Variants in CYRIB observed in about 807,000 individuals in gnomAD.
CYRIB encodes CYFIP-related Rac1 interactor B.
Under a neutral mutation model 44.2 loss-of-function variants are expected in CYRIB, and 8 were observed. The observed-to-expected ratio is 0.18, with a 90% confidence interval of 0.11 to 0.33. The LOEUF (loss-of-function observed/expected upper bound fraction) is 0.33. Among genes scored for constraint, CYRIB ranks in the 10% least tolerant of loss-of-function variants. The pLI, the probability that CYRIB is intolerant of heterozygous loss-of-function variation, is 1.00. For synonymous variants in CYRIB, 131 were observed against 127.2 expected, an observed-to-expected ratio of 1.03 and a Z score of -0.20; for missense variants, 185 against 382.8, an observed-to-expected ratio of 0.48 and a Z score of 4.31.
intron 1 of CYRIB, among the ~76,000 whole-genome samples, chr8:130,014,638 T>G (rs1160506495): frequency 6.6e-6 from 1 of 152,160 alleles, no homozygotes; most frequent in Non-Finnish European, 1.5e-5. Context: ...ACAGCAAAAT[T>G]ACTTGAAAAT....
intron 2 of CYRIB, among the ~76,000 whole-genome samples, chr8:129,889,130 A>G (rs2064004111): frequency 6.6e-6 from 1 of 152,122 alleles, no homozygotes; most frequent in South Asian, 2.1e-4. Context: ...CTTAAGAATT[A>G]TACTACATCC....
rs370834921 is a variant in CYRIB, at chr8:130,012,550, C to T, written c.-296+3820G>A. ...TGAGCACCTCTAGGTGCCATGCTCT[C>T]TGCTGGGCACTTTCCATACAACCTC... On this transcript the variant is annotated intron_variant, in intron 1 of 14. Transcript: ENST00000401979. 8.5e-5 allele frequency among the ~76,000 whole-genome samples: 13 copies of T among 152,300 alleles called. 1 individual carries two copies. The highest frequency in any genetic ancestry group is 5.9e-4 in the Admixed American group (9 of 15,302).
chr8:129,874,882 C>T (rs1222328261), intron 3 of CYRIB, among the ~76,000 whole-genome samples: 2 of 152,000 alleles, frequency 1.3e-5, no homozygotes, highest in Non-Finnish European at 2.9e-5. Flanking sequence ...ACAAGTAACA[C>T]AAAGGACACA....
intron 1 of CYRIB, among the ~76,000 whole-genome samples, chr8:129,973,758 C>A (rs933828642): frequency 3.3e-5 from 5 of 152,124 alleles, no homozygotes; most frequent in Admixed American, 6.5e-5. Flanking sequence ...CCTTGGAGTT[C>A]AATTCCAGCC....
In CYRIB at chr8:129,925,395, A is replaced by T. The variant is rs532096269; in HGVS notation, c.-50+14213T>A. The stretch of plus-strand genomic sequence containing the variant: ...TGACAGAGCGAGACTCCGTCTTAAA[A>T]AATAATAATAATAATGATGACAATA... On this transcript the variant is annotated intron_variant, in intron 1 of 11. Coordinates refer to ENST00000519824, the Ensembl canonical transcript of CYRIB. Among the ~76,000 whole-genome samples, 6 of 151,486 alleles carry T rather than the reference A, an allele frequency of 4.0e-5. No individual in the cohort carries two copies. The East Asian group carries it at 1.2e-3, about 29-fold the overall frequency.
chr8:129,910,770 T>C (rs1283324439), intron 1 of CYRIB, among the ~76,000 whole-genome samples: 2 of 152,208 alleles, frequency 1.3e-5, no homozygotes, highest in African/African-American at 4.8e-5. Flanking sequence ...CACTCCAACA[T>C]GGGCAACAGA....
chr8:129,989,074 C>G (rs2096557090), intron 1 of CYRIB, among the ~76,000 whole-genome samples: 1 of 152,152 alleles, frequency 6.6e-6, no homozygotes, highest in East Asian at 1.9e-4. Flanking sequence ...CTTTTCCCCC[C>G]AACATTTATT....
At chr8:129,942,846 C>G (rs914684323), upstream of CYRIB, among the ~76,000 whole-genome samples, 1 of 152,130 alleles carries the variant, frequency 6.6e-6, no homozygotes, top group Non-Finnish European at 1.5e-5. Flanking sequence ...ATGAGGCAAC[C>G]GAAACTCCGT....
At chr8:129,880,251 T>C (rs1485528596) in intron 2 of CYRIB, 8 of 394,422 alleles carry the variant, frequency 2.0e-5, no homozygotes, top group Non-Finnish European at 2.8e-5. Context: ...GAAAAAATCA[T>C]GCAACCTTTG....
chr8:129,859,859 C>G (rs116197535), intron 5 of CYRIB, among the ~76,000 whole-genome samples: 2,637 of 152,306 alleles, frequency 0.017, 89 homozygotes, highest in African/African-American at 0.06. Context: ...TATACTGGAA[C>G]AACTCGTGTC....
intron 4 of CYRIB, among the ~76,000 whole-genome samples, chr8:129,868,958 G>A (rs1225061441): frequency 6.7e-6 from 1 of 148,864 alleles, no homozygotes; most frequent in Non-Finnish European, 1.5e-5. Flanking sequence ...AGCACTTTGG[G>A]AGGCTGAGGC....
chr8:129,945,765 G>T (rs2094100782), intron 2 of CYRIB, among the ~76,000 whole-genome samples: 1 of 152,126 alleles, frequency 6.6e-6, no homozygotes, highest in African/African-American at 2.4e-5. Flanking sequence ...TAGAGACAGG[G>T]TTTCACCATG....
chr8:129,859,107 G>T (rs537011139), intron 5 of CYRIB, among the ~76,000 whole-genome samples: 2 of 152,302 alleles, frequency 1.3e-5, no homozygotes, highest in African/African-American at 4.8e-5. Context: ...AGACGAAGGG[G>T]CAGGATAAGG....
intron 2 of CYRIB, among the ~76,000 whole-genome samples, chr8:129,966,510 C>T (rs1003096585): frequency 1.3e-5 from 2 of 152,138 alleles, no homozygotes; most frequent in African/African-American, 4.8e-5. Flanking sequence ...CCTGTGATAT[C>T]ATTAATGACA....
intron 5 of CYRIB, among the ~76,000 whole-genome samples, chr8:129,857,152 C>T (rs2046611587): frequency 1.3e-5 from 2 of 152,078 alleles, no homozygotes; most frequent in African/African-American, 4.8e-5. Context: ...CTACTCTGTG[C>T]CAAGCACTGG....
intron 1 of CYRIB, among the ~76,000 whole-genome samples, chr8:130,008,078 G>A (rs1307253357): frequency 3.3e-5 from 5 of 151,260 alleles, no homozygotes; most frequent in South Asian, 2.1e-4. Context: ...GTATGGTTGC[G>A]GGCGCCTGTA....
intron 10 of CYRIB, 94 bp from the exon 13 acceptor site, chr8:129,846,968 G>T: frequency 1.5e-6 from 1 of 684,350 alleles, no homozygotes; most frequent in South Asian, 2.0e-5. Flanking sequence ...CCATAACTAT[G>T]GAACTCAAGA....
intron 1 of CYRIB, among the ~76,000 whole-genome samples, chr8:129,987,523 G>A (rs1176348852): frequency 6.7e-6 from 1 of 149,646 alleles, no homozygotes; most frequent in Non-Finnish European, 1.5e-5. Flanking sequence ...TCTCTCGCCT[G>A]CCACCTCCCA....
At position 129,862,352 on chromosome 8, in the gene CYRIB, T is replaced by C. The variant is rs776099571; in HGVS notation, c.196-18A>G. On this transcript the variant is annotated intron_variant, in intron 4 of 11. Coordinates refer to ENST00000519824, the Ensembl canonical transcript of CYRIB. ...TGGATTGCCTTCAAAATCCAAAGAA[T>C]AAAAATAGTTAGAGTTAAAAAAAAA... The C allele has an allele frequency of 4.5e-6, 7 of 1,542,206 alleles. No individual in the cohort carries two copies. Among genetic ancestry groups the C allele is most frequent in the African/African-American group, 4.3e-5 (3 of 69,356 alleles).
Sources: gnomAD v4.1 joint callset for allele counts (sites outside exome capture counted in the v4.1 genomes callset) on GRCh38, gnomAD v4.1.1 for gene constraint, MANE v1.5 for transcripts, NCBI Gene and HGNC (gene_info 2026-07-23, HGNC 2026-07-21) for gene names.